The following EYS variants were observed in gnomAD, a reference collection of about 807,000 sequenced individuals.
EYS encodes EGF-like photoreceptor maintenance factor.
In EYS, 250 loss-of-function variants were observed where a neutral mutation model predicts 282.1. The observed-to-expected ratio is 0.89, with a 90% confidence interval of 0.80 to 0.98. EYS has a LOEUF of 0.98. EYS is among the 50% of genes least tolerant of loss of function. The pLI is 0.00. For missense variants in EYS, 4,016 were observed against 3,709.0 expected, an observed-to-expected ratio of 1.08 and a Z score of -2.15; for synonymous variants, 1,355 against 1,282.9, an observed-to-expected ratio of 1.06 and a Z score of -1.20.
At chr6:64,852,598 A>C (rs1290722317) in intron 19 of EYS, among the ~76,000 whole-genome samples, 2 of 152,120 alleles carry the variant, frequency 1.3e-5, no homozygotes, top group Non-Finnish European at 2.9e-5. Flanking sequence ...TTGAAAACTG[A>C]ATGTTTGTAG....
intron 35 of EYS, among the ~76,000 whole-genome samples, chr6:63,940,480 A>G (rs1373118694): frequency 6.6e-6 from 1 of 152,206 alleles, no homozygotes; most frequent in African/African-American, 2.4e-5. Flanking sequence ...TCATTATATG[A>G]CAACTTAAAG....
At chr6:63,977,110 C>T (rs1320985722) in intron 35 of EYS, among the ~76,000 whole-genome samples, 1 of 150,726 alleles carries the variant, frequency 6.6e-6, no homozygotes, top group African/African-American at 2.4e-5. Context: ...GTGTAAAGGG[C>T]TAAATATTAT....
intron 26 of EYS, among the ~76,000 whole-genome samples, chr6:64,506,905 T>C (rs1465959273): frequency 1.7e-5 from 1 of 60,500 alleles, no homozygotes; most frequent in Non-Finnish European, 3.3e-5. Context: ...CGAGGCTGTG[T>C]CTTAAAAAAA....
At chr6:64,141,052 T>C (rs1010665610) in intron 31 of EYS, among the ~76,000 whole-genome samples, 1 of 152,216 alleles carries the variant, frequency 6.6e-6, no homozygotes, top group African/African-American at 2.4e-5. Flanking sequence ...ATGCATTTCA[T>C]TGGATTATTA....
intron 22 of EYS, among the ~76,000 whole-genome samples, chr6:64,770,839 GT>G (rs1562182262): frequency 6.6e-6 from 1 of 151,792 alleles, no homozygotes; most frequent in African/African-American, 2.4e-5. Context: ...ATTAGAGCCC[GT>G]CTTTGTAGGT....
rs573135449 is a variant in EYS at position 65,005,550 on chromosome 6, C to T, written c.2138-7847G>A. Among the ~76,000 whole-genome samples the T allele has an allele frequency of 1.3e-4, 19 of 147,666 alleles. 1 individual carries two copies. Among genetic ancestry groups the T allele is most frequent in the Admixed American group, 1.2e-3 (18 of 14,864 alleles). On this transcript the variant is annotated intron_variant, in intron 13 of 42. Coordinates refer to ENST00000503581, the MANE Select transcript of EYS (RefSeq NM_001142800.2). ...GGTAATGTTGGACCACTTTCGCTTGCTATTCTGTCCTATCCTTCCTTAGAA... is the reference window on the plus strand; with the variant it reads ...GGTAATGTTGGACCACTTTCGCTTGTTATTCTGTCCTATCCTTCCTTAGAA...
chr6:63,863,263 A>G (rs1772579732), intron 36 of EYS, among the ~76,000 whole-genome samples: 1 of 152,216 alleles, frequency 6.6e-6, no homozygotes, highest in South Asian at 2.1e-4. Context: ...ATATCTACAC[A>G]CATTTATGTA....
At position 64,325,408 on chromosome 6, in the gene EYS, G is replaced by A. The variant is rs117009848; in HGVS notation, c.6079-18326C>T. Among the ~76,000 whole-genome samples the A allele has an allele frequency of 8.1e-3, 1,239 of 152,278 alleles. 19 individuals are homozygous for A. Among genetic ancestry groups the A allele is most frequent in the East Asian group, 0.049 (253 of 5,174 alleles). On this transcript the variant is annotated intron_variant, in intron 29 of 42. Coordinates refer to ENST00000503581, the MANE Select transcript of EYS (RefSeq NM_001142800.2). ...GAACACCCTGTGGGACAAAAGAATCGGAACAACAGCCTTTAGCCCTAGACC... is the reference window on the plus strand; with the variant it reads ...GAACACCCTGTGGGACAAAAGAATCAGAACAACAGCCTTTAGCCCTAGACC...
intron 30 of EYS, among the ~76,000 whole-genome samples, chr6:64,257,490 C>A (rs542439769): frequency 6.6e-6 from 1 of 152,124 alleles, no homozygotes; most frequent in South Asian, 2.1e-4. Flanking sequence ...TCCCAAAGTG[C>A]ATATCATATA....
chr6:64,322,701 A>G (rs1193607678), intron 29 of EYS, among the ~76,000 whole-genome samples: 1 of 152,136 alleles, frequency 6.6e-6, no homozygotes, highest in African/African-American at 2.4e-5. Context: ...TGACAAAATT[A>G]CAGGACAACA....
intron 30 of EYS, among the ~76,000 whole-genome samples, chr6:64,249,285 A>G (rs1011806032): frequency 2.0e-5 from 3 of 152,154 alleles, no homozygotes; most frequent in Non-Finnish European, 4.4e-5. Context: ...AGACACAGAA[A>G]GACAAATAGA....
intron 28 of EYS, among the ~76,000 whole-genome samples, chr6:64,430,679 T>C (rs370365038): frequency 2.0e-5 from 3 of 152,282 alleles, no homozygotes; most frequent in Admixed American, 6.5e-5. Context: ...GCTGATGTAC[T>C]CTTCCTCGTG....
At chr6:64,885,750 A>C (rs1293091837) in intron 19 of EYS, among the ~76,000 whole-genome samples, 1 of 151,782 alleles carries the variant, frequency 6.6e-6, no homozygotes, top group Non-Finnish European at 1.5e-5. Flanking sequence ...ATTTCTCAGG[A>C]AAGACACCTT....
Position 64,212,653 on chromosome 6 carries a change from C to T in EYS, c.6424+17939G>A, listed in dbSNP as rs573490554. 1.4e-4 allele frequency among the ~76,000 whole-genome samples: 22 copies of T among 151,740 alleles called. 1 individual carries two copies. The South Asian group carries it at 4.6e-3, about 32-fold the overall frequency. On this transcript the variant is annotated intron_variant, in intron 31 of 42. Coordinates refer to ENST00000503581, the MANE Select transcript of EYS (RefSeq NM_001142800.2). ...GTAGAGAAAAAGGAACACTTATACA[C>T]TGTTGGTGGGAGTGTAAATTAGTTC...
intron 33 of EYS, among the ~76,000 whole-genome samples, chr6:64,032,458 G>A (rs922031558): frequency 1.3e-5 from 2 of 152,202 alleles, no homozygotes; most frequent in African/African-American, 4.8e-5. Flanking sequence ...CACCAAATGT[G>A]TGGGTTTTCT....
At chr6:64,000,781 T>C (rs535719715) in intron 33 of EYS, among the ~76,000 whole-genome samples, 1 of 152,240 alleles carries the variant, frequency 6.6e-6, no homozygotes, top group Non-Finnish European at 1.5e-5. Context: ...CAGTAAATTA[T>C]TCCACGGCTG....
At chr6:63,726,087 A>G (rs1768603716) in intron 42 of EYS, among the ~76,000 whole-genome samples, 1 of 152,194 alleles carries the variant, frequency 6.6e-6, no homozygotes, top group Non-Finnish European at 1.5e-5. Context: ...AGCATTTCAG[A>G]ACACAAATCC....
At chr6:65,215,217 A>G (rs1766282143) in intron 12 of EYS, among the ~76,000 whole-genome samples, 1 of 152,160 alleles carries the variant, frequency 6.6e-6, no homozygotes, top group African/African-American at 2.4e-5. Context: ...ACATTCTGGA[A>G]AGGATTCACC....
chr6:64,644,575 T>A (rs1441244127), intron 22 of EYS, among the ~76,000 whole-genome samples: 1 of 152,178 alleles, frequency 6.6e-6, no homozygotes, highest in Non-Finnish European at 1.5e-5. Flanking sequence ...TAATACATTC[T>A]GGAGATTTAT....
Sources: gnomAD v4.1 joint callset for allele counts (sites outside exome capture counted in the v4.1 genomes callset) on GRCh38, gnomAD v4.1.1 for gene constraint, MANE v1.5 for transcripts, NCBI Gene and HGNC (gene_info 2026-07-23, HGNC 2026-07-21) for gene names.